Variants in CEP85L observed in about 807,000 individuals in gnomAD.
The protein encoded by CEP85L is centrosomal protein 85L, also known as centrosomal protein of 85 kDa-like.
In CEP85L, 60 loss-of-function variants were observed where a neutral mutation model predicts 100.3. That is an observed-to-expected ratio of 0.60 (90% CI 0.49 to 0.74). The LOEUF (loss-of-function observed/expected upper bound fraction) is 0.74. Ranked by LOEUF, CEP85L falls within the 30% of genes least tolerant of loss-of-function variation. The pLI is 0.00. For synonymous variants in CEP85L, 319 were observed against 322.7 expected (o/e 0.99, Z 0.12); for missense variants, 973 against 936.2 (o/e 1.04, Z -0.51).
chr6:118,520,404 A>G (rs1400720650), intron 4 of CEP85L, among the ~76,000 whole-genome samples: 1 of 152,210 alleles, frequency 6.6e-6, no homozygotes, highest in Admixed American at 6.5e-5. Flanking sequence ...ACGTTTTGAA[A>G]ATATGCATTT....
At chr6:118,530,043 T>C (rs1273205285) in intron 3 of CEP85L, among the ~76,000 whole-genome samples, 1 of 151,888 alleles carries the variant, frequency 6.6e-6, no homozygotes, top group Non-Finnish European at 1.5e-5. Flanking sequence ...AATCATTAAA[T>C]AAAAATAAAG....
At chr6:118,520,246 C>T (rs1315787721) in intron 4 of CEP85L, among the ~76,000 whole-genome samples, 5 of 152,146 alleles carry the variant, frequency 3.3e-5, no homozygotes, top group Non-Finnish European at 5.9e-5. Context: ...AGACTCTATA[C>T]TGAAAAAGTA....
At chr6:118,685,625 T>C (rs931914432) in intron 1 of CEP85L, among the ~76,000 whole-genome samples, 4 of 152,206 alleles carry the variant, frequency 2.6e-5, no homozygotes, top group African/African-American at 9.7e-5. Context: ...AGAAGAACTT[T>C]TTGACACTTT....
intron 4 of CEP85L, among the ~76,000 whole-genome samples, chr6:118,520,247 T>C (rs1161152244): frequency 6.6e-6 from 1 of 152,224 alleles, no homozygotes; most frequent in Admixed American, 6.5e-5. Context: ...GACTCTATAC[T>C]GAAAAAGTAA....
At chr6:118,560,203 G>A (rs1307256931) in intron 3 of CEP85L, 17 of 166,980 alleles carry the variant, frequency 1.0e-4, no homozygotes, top group African/African-American at 4.1e-4. Context: ...GGGGTTAGGG[G>A]AGCTGACAAT....
intron 10 of CEP85L, among the ~76,000 whole-genome samples, 161 bp from the exon 11 acceptor site, chr6:118,470,805 T>TTA (rs1362697054): frequency 6.6e-6 from 1 of 152,100 alleles, no homozygotes; most frequent in Non-Finnish European, 1.5e-5. Context: ...TCCCTATCAG[T>TTA]TAGAGAGTGG....
chr6:118,638,916 A>G (rs1283907444), intron 1 of CEP85L, among the ~76,000 whole-genome samples: 1 of 152,138 alleles, frequency 6.6e-6, no homozygotes, highest in Non-Finnish European at 1.5e-5. Context: ...ATTTGAATAT[A>G]TATGTAACTG....
At chr6:118,501,494 T>G (rs532129180) in intron 5 of CEP85L, 3 of 452,940 alleles carry the variant, frequency 6.6e-6, no homozygotes, top group East Asian at 5.9e-5. Context: ...TTTCTGTGAT[T>G]TTATTGCTCC....
At chr6:118,601,872 C>G (rs1781806958) in intron 2 of CEP85L, among the ~76,000 whole-genome samples, 1 of 152,174 alleles carries the variant, frequency 6.6e-6, no homozygotes. Flanking sequence ...AGCTCCTTTA[C>G]TGCAACATGT....
chr6:118,681,376 T>C (rs1776653662), intron 1 of CEP85L, among the ~76,000 whole-genome samples: 1 of 152,034 alleles, frequency 6.6e-6, no homozygotes, highest in East Asian at 1.9e-4. Context: ...CTAGAAGAAC[T>C]AGAGAGAGAG....
chr6:118,524,220 G>A (rs1265861750), intron 3 of CEP85L, among the ~76,000 whole-genome samples: 1 of 152,104 alleles, frequency 6.6e-6, no homozygotes, highest in Non-Finnish European at 1.5e-5. Context: ...CAGCACTTTG[G>A]GAGGCCGAGG....
intron 1 of CEP85L, among the ~76,000 whole-genome samples, chr6:118,633,208 C>CTTT (rs35254375): frequency 2.1e-5 from 3 of 144,584 alleles, no homozygotes; most frequent in Non-Finnish European, 3.0e-5. Flanking sequence ...CTTGATTTGT[C>CTTT]TTTTTTTTTT....
rs989835821 is a variant in CEP85L at position 118,465,215 on chromosome 6, T to A, written c.*190A>T. 2.1e-6 allele frequency: 1 copy of A among 481,802 alleles called. No individual in the cohort carries two copies. Among genetic ancestry groups the A allele is most frequent in the African/African-American group, 2.0e-5 (1 of 49,972 alleles). 29.8% of individuals were successfully genotyped at this position (481,802 alleles called of 1,614,324 possible). On this transcript the variant is annotated 3_prime_UTR_variant, in exon 13 of 13. Transcript: ENST00000368491. ...CATATTTTCCAAAGGTAATTTGATTTTTTTTCTTTTTGCCTGATTAGATAA... is the reference window on the plus strand; with the variant it reads ...CATATTTTCCAAAGGTAATTTGATTATTTTTCTTTTTGCCTGATTAGATAA...
intron 10 of CEP85L, 134 bp downstream of exon 10, chr6:118,479,731 AGAATTT>A: frequency 2.3e-6 from 1 of 440,234 alleles, no homozygotes; most frequent in Non-Finnish European, 4.1e-6. Flanking sequence ...TTAATATTAA[AGAATTT>A]GCAACTTTAC....
intron 5 of CEP85L, chr6:118,502,100 C>A: frequency 9.9e-7 from 1 of 1,010,102 alleles, no homozygotes; most frequent in Admixed American, 2.3e-5. Flanking sequence ...GAATACTGCC[C>A]TATGAGACTG....
chr6:118,619,576 C>G (rs1425738261), intron 2 of CEP85L, among the ~76,000 whole-genome samples: 1 of 152,006 alleles, frequency 6.6e-6, no homozygotes, highest in Non-Finnish European at 1.5e-5. Context: ...AGAGGCACAC[C>G]GAAAAGAAAA....
At chr6:118,688,943 G>A (rs2638533) in intron 1 of CEP85L, among the ~76,000 whole-genome samples, 106,640 of 151,106 alleles carry the variant, frequency 0.71, 38,251 homozygotes, top group Middle Eastern at 0.76. Context: ...TCAGCCATCA[G>A]CCAACATGGG....
chr6:118,466,245 C>G (rs946783713), intron 12 of CEP85L, among the ~76,000 whole-genome samples: 5 of 152,098 alleles, frequency 3.3e-5, no homozygotes, highest in African/African-American at 1.2e-4. Context: ...TCAGGCAGAG[C>G]CAGTGATTAC....
At chr6:118,545,194 C>T (rs1405625792) in intron 3 of CEP85L, among the ~76,000 whole-genome samples, 1 of 151,770 alleles carries the variant, frequency 6.6e-6, no homozygotes, top group Non-Finnish European at 1.5e-5. Context: ...AAAACCGATT[C>T]TATTTTGAAG....
Sources: allele counts gnomAD v4.1 joint callset (sites outside exome capture counted in the v4.1 genomes callset), GRCh38; gene constraint gnomAD v4.1.1; transcripts MANE v1.5; gene names NCBI Gene and HGNC (gene_info 2026-07-23, HGNC 2026-07-21).